The following PHC1 variants were observed in gnomAD, a reference collection of about 807,000 sequenced individuals.
PHC1 encodes the protein polyhomeotic-like protein 1.
In PHC1, 12 loss-of-function variants were observed where a neutral mutation model predicts 104.3. The observed-to-expected ratio is 0.12, with a 90% CI of 0.07 to 0.19. The LOEUF (loss-of-function observed/expected upper bound fraction) is 0.19, where lower values mean the gene tolerates loss of function less well. PHC1 is among the 10% of genes least tolerant of loss of function. The pLI is 1.00. For missense variants in PHC1, 671 were observed against 1,200.0 expected, an observed-to-expected ratio of 0.56 and a Z score of 6.51; for synonymous variants, 302 against 455.8, an observed-to-expected ratio of 0.66 and a Z score of 4.30.
chr12:8,932,744 G>GCAA lies in PHC1; in HGVS notation c.1293_1295dup (p.Gln439dup). 6.2e-7 allele frequency: 1 copy of GCAA among 1,604,628 alleles called. No individual in the cohort carries two copies. Among genetic ancestry groups the GCAA allele is most frequent in the Non-Finnish European group, 8.5e-7 (1 of 1,173,270 alleles). On this transcript the variant is annotated inframe_insertion, in exon 8 of 15. Coordinates refer to ENST00000544916, the MANE Select transcript of PHC1 (RefSeq NM_004426.3). ...TCCAGTTGGCGCAGCAGCAGCAGCA[G>GCAA]CAACAACAGCAACAGCAGCAACAGC...
Position 8,914,653 on chromosome 12 carries a change from C to T in PHC1, c.-223C>T, listed in dbSNP as rs1006565352. ...CGGGAGGGGCGGGGAGCCGCGGTCG[C>T]GCCGGGCGCCTCCCACCCCGCCCTC... On this transcript the variant is annotated 5_prime_UTR_variant, in exon 1 of 15. Coordinates refer to ENST00000544916, the MANE Select transcript of PHC1 (RefSeq NM_004426.3). The T allele has an allele frequency of 4.0e-5, 6 of 149,984 alleles. No homozygotes were observed. Among genetic ancestry groups the T allele is most frequent in the Admixed American group, 4.0e-4 (6 of 15,108 alleles). 9.3% of individuals were successfully genotyped at this position (149,984 alleles called of 1,614,324 possible).
Position 8,939,408 on chromosome 12 carries a change from G to A in PHC1, c.2964G>A (p.Leu988=). ...TTATGAGTGCCATGAACATCAAGCT[G>A]GGCCCTGCCCTCAAGATCTGCGCCA... ...EHLMSAMNIK[L]GPALKICAKI... is the part of the protein sequence containing the mutation. The change falls in exon 15 of 15, where the codon CTG becomes CTA. Residue 988 remains leucine, a synonymous_variant. Coordinates refer to ENST00000544916, the MANE Select transcript of PHC1 (RefSeq NM_004426.3). 1 of 1,607,336 alleles carries A rather than the reference G, an allele frequency of 6.2e-7. No individual in the cohort carries two copies. Among genetic ancestry groups the A allele is most frequent in the Middle Eastern group, 1.7e-4 (1 of 6,052 alleles).
At chr12:8,931,831 A>C (rs1053586430) in intron 7 of PHC1, among the ~76,000 whole-genome samples, 20 of 152,234 alleles carry the variant, frequency 1.3e-4, no homozygotes, top group Non-Finnish European at 2.8e-4. Context: ...ACTCACAAAA[A>C]AATTAAGAGT....
intron 11 of PHC1, 106 bp from the exon 12 acceptor site, chr12:8,936,739 TGTAGGTTTTTG>T: frequency 1.5e-6 from 1 of 673,290 alleles, no homozygotes; most frequent in Non-Finnish European, 2.6e-6. Flanking sequence ...AACTAGGTTG[TGTAGGTTTTTG>T]GGGGTGAACC....
chr12:8,938,213 A>AT (rs765758899), intron 14 of PHC1, among the ~76,000 whole-genome samples, 153 bp downstream of exon 14: 1 of 152,058 alleles, frequency 6.6e-6, no homozygotes, highest in African/African-American at 2.4e-5. Context: ...TGACTTCCTA[A>AT]TTTTTTTCTG....
Position 8,939,438 on chromosome 12 carries a change from A to C in PHC1, c.2994A>C (p.Ile998=), listed in dbSNP as rs761870836. The C allele has an allele frequency of 6.3e-7, 1 of 1,592,014 alleles. No individual in the cohort carries two copies. Among genetic ancestry groups the C allele is most frequent in the Non-Finnish European group, 8.6e-7 (1 of 1,166,802 alleles). Residue 998 remains isoleucine (I), a synonymous_variant, in exon 15 of 15, where the codon ATA becomes ATC. Coordinates refer to ENST00000544916, the MANE Select transcript of PHC1 (RefSeq NM_004426.3). ...LGPALKICAK[I]NVLKET is the part of the protein sequence containing the mutation. ...CTGCCCTCAAGATCTGCGCCAAGATAAATGTCCTCAAGGAGACCTAAGGTG... is the reference window on the plus strand; with the variant it reads ...CTGCCCTCAAGATCTGCGCCAAGATCAATGTCCTCAAGGAGACCTAAGGTG...
In PHC1 at chr12:8,933,914, A is replaced by G. The variant is rs1240119696; in HGVS notation, c.1943A>G (p.Glu648Gly). Reference protein sequence around the residue: ...AVKRKADSEEERDDVSTLGSM... With the variant: ...AVKRKADSEEGRDDVSTLGSM... ...AAACGCAAGGCTGACTCTGAGGAGG[A>G]GAGAGATGATGTCTCCACATTGGGT... Residue 648 changes from glutamate (E) to glycine (G), a missense_variant, in exon 9 of 15, where the codon GAG becomes GGG. By Grantham distance (98) the Glu-to-Gly change is moderately conservative. This residue lies in a region of PHC1 where 95 missense variants were observed against 108.8 expected (regional missense o/e 0.87). Coordinates refer to ENST00000544916, the MANE Select transcript of PHC1 (RefSeq NM_004426.3). The G allele has an allele frequency of 6.2e-7, 1 of 1,612,596 alleles. No homozygotes were observed. Among genetic ancestry groups the G allele is most frequent in the Non-Finnish European group, 8.5e-7 (1 of 1,178,656 alleles).
chr12:8,920,280 T>C (rs150576336), intron 3 of PHC1, among the ~76,000 whole-genome samples: 32 of 152,362 alleles, frequency 2.1e-4, no homozygotes, highest in Admixed American at 1.2e-3. Context: ...TAAAATAAAT[T>C]ATGAAAGTTA....
In PHC1 at chr12:8,934,001, G is replaced by A. The variant is rs779013224; in HGVS notation, c.2030G>A (p.Ser677Asn). ...AGCCCAAAAGTCATGGACGAGAAGAGCAGTCTTGGAGGTGAGTAACTGACT... is the reference window on the plus strand; with the variant it reads ...AGCCCAAAAGTCATGGACGAGAAGAACAGTCTTGGAGGTGAGTAACTGACT... ...AESPKVMDEKSSLGEKAESVA... is the reference protein window; with the variant it reads ...AESPKVMDEKNSLGEKAESVA... Residue 677 changes from serine (S) to asparagine (N), a missense_variant, in exon 9 of 15, where the codon AGC becomes AAC. Transcript: ENST00000544916. 1.9e-6 allele frequency: 3 copies of A among 1,614,168 alleles called. No individual in the cohort carries two copies. Among genetic ancestry groups the A allele is most frequent in the Non-Finnish European group, 2.5e-6 (3 of 1,179,994 alleles).
At chr12:8,935,277 C>A in intron 11 of PHC1, 39 bp downstream of exon 11, 1 of 1,096,454 alleles carries the variant, frequency 9.1e-7, no homozygotes, top group South Asian at 1.4e-5. Context: ...GGGAAGGAGA[C>A]TCGTGGAGAT....
At chr12:8,920,944 C>T (rs1475086654) in intron 3 of PHC1, 41 bp from the exon 4 acceptor site, 21 of 1,387,894 alleles carry the variant, frequency 1.5e-5, no homozygotes, top group Admixed American at 4.0e-5. Context: ...CTTTTTCCTT[C>T]ACTGTCTTTG....
chr12:8,935,510 C>T (rs1945809635), intron 11 of PHC1, among the ~76,000 whole-genome samples: 1 of 151,986 alleles, frequency 6.6e-6, no homozygotes, highest in Admixed American at 6.6e-5. Flanking sequence ...TCTATAGTCC[C>T]AGCTACTCGG....
chr12:8,920,297 C>T lies in PHC1; in HGVS notation c.225+431C>T, dbSNP rs764292191. ...AAATAAATTATGAAAGTTAACTTTT[C>T]CTGTTTTACTTTTTAAAACTTTGCA... On this transcript the variant is annotated intron_variant, in intron 3 of 14. Coordinates refer to ENST00000544916, the MANE Select transcript of PHC1 (RefSeq NM_004426.3). 4.6e-5 allele frequency among the ~76,000 whole-genome samples: 7 copies of T among 152,288 alleles called. No individual in the cohort carries two copies. In the East Asian group the frequency reaches 1.2e-3, roughly 25 times the overall value.
At chr12:8,934,531 T>C (rs891176831) in intron 10 of PHC1, 53 bp downstream of exon 10, 1 of 1,362,324 alleles carries the variant, frequency 7.3e-7, no homozygotes, top group Non-Finnish European at 1.0e-6. Flanking sequence ...GGTCTGATTG[T>C]TGTCTTTTCA....
chr12:8,922,121 A>AT (rs1225105537), intron 5 of PHC1, among the ~76,000 whole-genome samples: 1 of 152,104 alleles, frequency 6.6e-6, no homozygotes, highest in Non-Finnish European at 1.5e-5. Context: ...GCCAAAAGCC[A>AT]TTTTTTTAAA....
At chr12:8,923,720 C>A (rs1173149925) in intron 6 of PHC1, among the ~76,000 whole-genome samples, 1 of 151,724 alleles carries the variant, frequency 6.6e-6, no homozygotes, top group Non-Finnish European at 1.5e-5. Flanking sequence ...GTCCCAACTA[C>A]CTGGGAGGCT....
At chr12:8,922,370 C>T (rs1179289888) in intron 5 of PHC1, among the ~76,000 whole-genome samples, 1 of 152,106 alleles carries the variant, frequency 6.6e-6, no homozygotes. Flanking sequence ...TATATAAGTA[C>T]TTGTTCTAAA....
chr12:8,936,050 C>T (rs959638174), intron 11 of PHC1, among the ~76,000 whole-genome samples: 1 of 152,158 alleles, frequency 6.6e-6, no homozygotes, highest in Non-Finnish European at 1.5e-5. Flanking sequence ...AGGCGTGAGC[C>T]ACCACGCCTG....
rs961640204 is a variant in PHC1 at position 8,931,019 on chromosome 12, G to GT, written c.1105+98dup. ...TTTGCCTTTTTTTCTTTGCCTTTTTGTTTTTTCCCCGCTTCTGTTGGTCCT... is the reference window on the plus strand; with the variant it reads ...TTTGCCTTTTTTTCTTTGCCTTTTTGTTTTTTTCCCCGCTTCTGTTGGTCCT... On this transcript the variant is annotated intron_variant, in intron 7 of 14. Coordinates refer to ENST00000544916, the MANE Select transcript of PHC1 (RefSeq NM_004426.3). 15 of 1,325,876 alleles carry GT rather than the reference G, an allele frequency of 1.1e-5. No individual in the cohort carries two copies. In the African/African-American group the frequency reaches 1.3e-4, roughly 12 times the overall value. 82.1% of individuals were successfully genotyped at this position (1,325,876 alleles called of 1,614,324 possible).
Sources: gnomAD v4.1 joint callset for allele counts (sites outside exome capture counted in the v4.1 genomes callset) on GRCh38, gnomAD v4.1.1 for gene constraint, gnomAD v4.1.1 regional missense constraint, MANE v1.5 for transcripts, NCBI Gene and HGNC (gene_info 2026-07-23, HGNC 2026-07-21) for gene names.